ABCA5: variants seen among roughly 807,000 people sequenced by gnomAD.
The protein encoded by ABCA5 is cholesterol transporter ABCA5.
ABCA5 carries 163 observed loss-of-function variants against 206.0 expected under a neutral mutation model. That is an observed-to-expected ratio of 0.79 (90% CI 0.70 to 0.90). The LOEUF (loss-of-function observed/expected upper bound fraction) is 0.90, where lower values mean the gene tolerates loss of function less well. ABCA5 is among the 40% of genes least tolerant of loss of function. The pLI is 0.00. For missense variants in ABCA5, 1,859 were observed against 1,912.9 expected (o/e 0.97, Z 0.53); for synonymous variants, 609 against 613.8 (o/e 0.99, Z 0.11).
rs1015603555 is a variant in ABCA5, at chr17:69,245,653, C to A, written c.*1884G>T. 7 of 151,922 alleles carry A rather than the reference C, an allele frequency of 4.6e-5. No homozygotes were observed. The highest frequency in any genetic ancestry group is 1.7e-4 in the African/African-American group (7 of 41,504). 9.4% of individuals were successfully genotyped at this position (151,922 alleles called of 1,614,324 possible). ...TTTGAATGTCTTTTAAAATTGTTTACAAGAGCATGTATTCATATACATTAA... is the reference window on the plus strand; with the variant it reads ...TTTGAATGTCTTTTAAAATTGTTTAAAAGAGCATGTATTCATATACATTAA... On this transcript the variant is annotated 3_prime_UTR_variant, in exon 39 of 39. Transcript: ENST00000392676.
intron 18 of ABCA5, among the ~76,000 whole-genome samples, chr17:69,278,385 G>C (rs2075356333): frequency 6.6e-6 from 1 of 152,100 alleles, no homozygotes; most frequent in African/African-American, 2.4e-5. Flanking sequence ...TCATACACGA[G>C]ACTTCTCTCT....
At chr17:69,275,136 A>G (rs1477821911) in intron 19 of ABCA5, among the ~76,000 whole-genome samples, 1 of 152,018 alleles carries the variant, frequency 6.6e-6, no homozygotes, top group African/African-American at 2.4e-5. Flanking sequence ...GAGCCACTGC[A>G]CCCAGCCCCA....
rs1385628888 is a variant in ABCA5, at chr17:69,298,330, GGAAGGAAGGAAGGAAGGAAA to G, written c.1268-991_1268-972del. 1.7e-4 allele frequency among the ~76,000 whole-genome samples: 26 copies of G among 149,744 alleles called. 2 individuals carry two copies. The highest frequency in any genetic ancestry group is 4.0e-4 in the Admixed American group (6 of 14,978). On this transcript the variant is annotated intron_variant, in intron 9 of 38. Coordinates refer to ENST00000392676, the MANE Select transcript of ABCA5 (RefSeq NM_172232.4). Reference sequence around the variant, plus strand: ...AAAGAGAGAGAGAGGAAGGAAGGAAGGAAGGAAGGAAGGAAGGAAAGAAGGAAAGAAAGGGCATACAGTGG... The same window carrying G: ...AAAGAGAGAGAGAGGAAGGAAGGAAGGAAGGAAAGAAAGGGCATACAGTGG...
In ABCA5 at chr17:69,313,245, T is replaced by C; in HGVS notation, c.154A>G (p.Met52Val). Residue 52 changes from methionine to valine, a missense_variant, in exon 3 of 39, where the codon ATG becomes GTG. Met to Val is a conservative substitution (Grantham distance 21). Coordinates refer to ENST00000392676, the MANE Select transcript of ABCA5 (RefSeq NM_172232.4). ...FLFWLILISMMHPNKKYEEVP... is the reference protein window; with the variant it reads ...FLFWLILISMVHPNKKYEEVP... ...TCTTCATATTTCTTATTTGGATGCA[T>C]CATGCTAATTAATATTAACCAAAAT... 1 of 1,508,658 alleles carries C rather than the reference T, an allele frequency of 6.6e-7. No homozygotes were observed. The highest frequency in any genetic ancestry group is 9.2e-7 in the Non-Finnish European group (1 of 1,088,304). The allele number at this position is 1,508,658 out of a possible 1,614,324, so 93.5% of individuals were successfully genotyped here.
At chr17:69,256,719 G>T (rs544326435) in intron 28 of ABCA5, among the ~76,000 whole-genome samples, 15 of 151,932 alleles carry the variant, frequency 9.9e-5, no homozygotes, top group Admixed American at 8.5e-4. Context: ...GCCTCCCAAA[G>T]TACTGGGATT....
intron 18 of ABCA5, among the ~76,000 whole-genome samples, chr17:69,280,345 C>T (rs954966468): frequency 5.9e-5 from 9 of 152,144 alleles, no homozygotes; most frequent in Non-Finnish European, 1.0e-4. Flanking sequence ...TACCATCTCA[C>T]ACCAGTTAGA....
At position 69,253,604 on chromosome 17, in the gene ABCA5, C is replaced by T. The variant is rs1244827193; in HGVS notation, c.4384G>A (p.Gly1462Ser). The change falls in exon 34 of 39, where the codon GGT becomes AGT. Residue 1462 changes from glycine to serine, a missense_variant. Coordinates refer to ENST00000392676, the MANE Select transcript of ABCA5 (RefSeq NM_172232.4). ...TGCTGTTTGGCTTTGGGATCCATAC[C>T]TGTAGATGGTTCATCTAGCAAAGTA... Reference protein sequence around the residue: ...QITLLDEPSTGMDPKAKQHMW... With the variant: ...QITLLDEPSTSMDPKAKQHMW... 2 of 1,613,640 alleles carry T rather than the reference C, an allele frequency of 1.2e-6. No individual in the cohort carries two copies. The highest frequency in any genetic ancestry group is 4.5e-5 in the East Asian group (2 of 44,818).
chr17:69,312,586 T>C (rs1011377819), intron 3 of ABCA5, among the ~76,000 whole-genome samples: 56 of 152,242 alleles, frequency 3.7e-4, no homozygotes, highest in African/African-American at 1.3e-3. Flanking sequence ...AAATTTTTTA[T>C]TGTTATAGAT....
At chr17:69,307,354 T>G (rs947606600) in intron 5 of ABCA5, among the ~76,000 whole-genome samples, 171 of 152,060 alleles carry the variant, frequency 1.1e-3, no homozygotes, top group Non-Finnish European at 3.5e-4. Flanking sequence ...AAAATGTTCT[T>G]CTAAATACCA....
intron 4 of ABCA5, 55 bp from the exon 5 acceptor site, chr17:69,308,423 T>C: frequency 8.2e-7 from 1 of 1,220,760 alleles, no homozygotes; most frequent in Non-Finnish European, 1.2e-6. Flanking sequence ...AAGTGCATCG[T>C]TTTAAAGATA....
At chr17:69,292,247 G>A (rs77214787) in intron 11 of ABCA5, among the ~76,000 whole-genome samples, 14,648 of 152,142 alleles carry the variant, frequency 0.096, 760 homozygotes, top group Non-Finnish European at 0.11. Context: ...TAAGTGTTCT[G>A]CCCCATGAAC....
chr17:69,253,738 C>G, intron 33 of ABCA5, 56 bp downstream of exon 33: 1 of 1,575,044 alleles, frequency 6.3e-7, no homozygotes, highest in Non-Finnish European at 8.7e-7. Context: ...AAGACAATAT[C>G]AGGTACTAAA....
intron 10 of ABCA5, among the ~76,000 whole-genome samples, chr17:69,296,801 C>A (rs546305394): frequency 6.6e-6 from 1 of 152,214 alleles, no homozygotes; most frequent in South Asian, 2.1e-4. Flanking sequence ...CCTGTCTCTA[C>A]TAAAAATACA....
chr17:69,298,308 G>GAT (rs1243120628), intron 9 of ABCA5, among the ~76,000 whole-genome samples: 1 of 30,828 alleles, frequency 3.2e-5, no homozygotes, highest in Non-Finnish European at 8.8e-5. Flanking sequence ...GAGAAAGAAA[G>GAT]AGAGAGAGAG....
intron 7 of ABCA5, among the ~76,000 whole-genome samples, 173 bp from the exon 8 acceptor site, chr17:69,303,079 C>T (rs566765146): frequency 2.6e-5 from 4 of 152,150 alleles, no homozygotes; most frequent in South Asian, 4.2e-4. Context: ...TAGTGATATA[C>T]CTTTTAAAAA....
At position 69,281,045 on chromosome 17, in the gene ABCA5, T is replaced by A. The variant is rs560847403; in HGVS notation, c.2392+2908A>T. 7.0e-3 allele frequency among the ~76,000 whole-genome samples: 994 copies of A among 141,424 alleles called. 13 individuals are homozygous for A. The highest frequency in any genetic ancestry group is 0.022 in the African/African-American group (896 of 40,030). 92.8% of individuals were successfully genotyped at this position (141,424 alleles called of 152,430 possible). ...CTTAAAGTATAATAATAAAAAAAAATAAAAATAAATAAATAAAAAAATAAA... is the reference window on the plus strand; with the variant it reads ...CTTAAAGTATAATAATAAAAAAAAAAAAAAATAAATAAATAAAAAAATAAA... On this transcript the variant is annotated intron_variant, in intron 18 of 38. Coordinates refer to ENST00000392676, the MANE Select transcript of ABCA5 (RefSeq NM_172232.4).
In ABCA5 at chr17:69,277,927, TTGGTC is replaced by T. The variant is rs1255989522; in HGVS notation, c.2393-90_2393-86del. 5.8e-6 allele frequency: 6 copies of T among 1,035,646 alleles called. No individual in the cohort carries two copies. The African/African-American group carries it at 9.8e-5, about 17-fold the overall frequency. 64.2% of individuals were successfully genotyped at this position (1,035,646 alleles called of 1,614,324 possible). A position where few individuals can be genotyped will look rare whatever the true frequency, so the allele number is the denominator to read the frequency against. ...TGAAGCAGGAACATTTAAAGAAGCA[TTGGTC>T]TGGCAGTTATGTGGAACAAATGGAA... On this transcript the variant is annotated intron_variant, in intron 18 of 38. Coordinates refer to ENST00000392676, the MANE Select transcript of ABCA5 (RefSeq NM_172232.4).
chr17:69,248,623 C>G (rs1482887875), intron 37 of ABCA5: 2 of 221,562 alleles, frequency 9.0e-6, no homozygotes, highest in Admixed American at 1.1e-4. Flanking sequence ...TCTTATCTCC[C>G]ATTCTCCAAC....
chr17:69,250,844 G>C (rs1013690595), intron 35 of ABCA5: 7 of 282,046 alleles, frequency 2.5e-5, no homozygotes, highest in Admixed American at 2.0e-4. Flanking sequence ...CACCGACATT[G>C]GTACATTCCT....
Sources: allele counts gnomAD v4.1 joint callset (sites outside exome capture counted in the v4.1 genomes callset), GRCh38; gene constraint gnomAD v4.1.1; transcripts MANE v1.5; gene names NCBI Gene and HGNC (gene_info 2026-07-23, HGNC 2026-07-21).